The following PHEX variants were observed in gnomAD, a reference collection of about 807,000 sequenced individuals.
PHEX encodes the protein phosphate-regulating neutral endopeptidase PHEX.
In PHEX, 16 loss-of-function variants were observed where a neutral mutation model predicts 68.0. The observed-to-expected ratio is 0.24, with a 90% CI of 0.16 to 0.36. PHEX has a LOEUF of 0.36. PHEX is among the 10% of genes least tolerant of loss of function. PHEX has a pLI of 1.00. For synonymous variants in PHEX, 208 were observed against 205.1 expected, an observed-to-expected ratio of 1.01 and a Z score of -0.12; for missense variants, 480 against 575.5, an observed-to-expected ratio of 0.83 and a Z score of 1.70.
At chrX:22,221,788 T>A (rs1390675325) in intron 18 of PHEX, 45 bp downstream of exon 18, 2 of 1,130,740 alleles carry the variant, frequency 1.8e-6, no homozygotes, top group Admixed American at 4.4e-5. Flanking sequence ...GGTTCATTTT[T>A]CCTCATTTGG....
intron 3 of PHEX, among the ~76,000 whole-genome samples, chrX:22,059,391 A>G (rs1004262098): frequency 8.9e-6 from 1 of 112,393 alleles, no homozygotes; most frequent in African/African-American, 3.2e-5. Context: ...AATGTTATGT[A>G]CACGTATCAC....
At chrX:22,185,912 C>T (rs767027237) in intron 14 of PHEX, among the ~76,000 whole-genome samples, 16 of 110,132 alleles carry the variant, frequency 1.5e-4, no homozygotes, top group African/African-American at 4.7e-4. Context: ...CCCGCCACCA[C>T]GCTGAGCTAA....
At chrX:22,108,607 G>A (rs1930808918) in intron 9 of PHEX, among the ~76,000 whole-genome samples, 1 of 111,620 alleles carries the variant, frequency 9.0e-6, no homozygotes, top group South Asian at 3.7e-4. Context: ...CATGTGAGAG[G>A]GGCACTGTCA....
At chrX:22,066,089 C>T (rs934629258) in intron 3 of PHEX, among the ~76,000 whole-genome samples, 8 of 111,897 alleles carry the variant, frequency 7.1e-5, no homozygotes, top group East Asian at 2.8e-4. Context: ...AGGAGAAAGG[C>T]GGGGGCCAGA....
At chrX:22,167,567 C>G in intron 12 of PHEX, among the ~76,000 whole-genome samples, 1 of 102,535 alleles carries the variant, frequency 9.8e-6, no homozygotes, top group Admixed American at 1.1e-4. Flanking sequence ...TCATAGTTCA[C>G]TGCAGCCTCT....
chrX:22,208,291 T>C (rs1208599359), intron 15 of PHEX, among the ~76,000 whole-genome samples: 2 of 111,639 alleles, frequency 1.8e-5, no homozygotes, highest in Non-Finnish European at 3.8e-5. Flanking sequence ...AATACATGTA[T>C]ATGCTCACAC....
chrX:22,168,237 C>T, intron 12 of PHEX, 75 bp from the exon 13 acceptor site: 2 of 756,223 alleles, frequency 2.6e-6, no homozygotes, highest in Non-Finnish European at 4.2e-6. Context: ...ATGAAGGGCG[C>T]ATTTCTACAT....
chrX:22,128,308 C>T lies in PHEX; in HGVS notation c.1303-5215C>T, dbSNP rs1430665126. ...GAACTCCAGACCTCAGGTGATCCAA[C>T]CGCCTCAGCCTCCCAAAGTGCTGGG... is the stretch of plus-strand genomic sequence containing the variant. On this transcript the variant is annotated intron_variant, in intron 11 of 21. Coordinates refer to ENST00000379374, the MANE Select transcript of PHEX (RefSeq NM_000444.6). 1.8e-5 allele frequency among the ~76,000 whole-genome samples: 2 copies of T among 109,983 alleles called. 1 individual carries two copies.
At chrX:22,243,599 C>T (rs769680881) in intron 20 of PHEX, among the ~76,000 whole-genome samples, 49 of 111,680 alleles carry the variant, frequency 4.4e-4, no homozygotes, top group South Asian at 7.6e-4. Context: ...AAAAACAACC[C>T]CATGAAAAAG....
chrX:22,198,597 A>T (rs907152471), intron 15 of PHEX, among the ~76,000 whole-genome samples: 1 of 111,621 alleles, frequency 9.0e-6, no homozygotes, highest in Non-Finnish European at 1.9e-5. Flanking sequence ...AAAGGCGCAG[A>T]TATGGCAGAA....
rs771512591 is a variant in PHEX at position 22,077,813 on chromosome X, C to G, written c.663+111C>G. ...CTTAGTGAAATAATAACATAAAACA[C>G]TTTTATTGAATAGTAGAATCCAGAA... On this transcript the variant is annotated intron_variant, in intron 5 of 21. Transcript: ENST00000379374. 262 of 572,444 alleles carry G rather than the reference C, an allele frequency of 4.6e-4. 1 individual carries two copies. The African/African-American group carries it at 5.4e-3, about 12-fold the overall frequency. The allele number at this position is 572,444 out of a possible 1,213,427, so 47.2% of individuals were successfully genotyped here. A position where few individuals can be genotyped will look rare whatever the true frequency, so the allele number is the denominator to read the frequency against.
At chrX:22,165,690 T>G (rs775069640) in intron 12 of PHEX, among the ~76,000 whole-genome samples, 1 of 111,787 alleles carries the variant, frequency 8.9e-6, no homozygotes, top group Non-Finnish European at 1.9e-5. Flanking sequence ...ATAAAAGGGA[T>G]CCCAGGGAAT....
At chrX:22,191,137 A>C (rs1192819321) in intron 15 of PHEX, among the ~76,000 whole-genome samples, 1 of 111,668 alleles carries the variant, frequency 9.0e-6, no homozygotes, top group Non-Finnish European at 1.9e-5. Context: ...CTTGTGCCTC[A>C]GCCTCCTGAG....
intron 15 of PHEX, among the ~76,000 whole-genome samples, chrX:22,196,040 G>A (rs754288779): frequency 4.9e-4 from 55 of 111,703 alleles, no homozygotes; most frequent in African/African-American, 1.6e-3. Context: ...TTAGCCAGGT[G>A]TGGTGGCATG....
At chrX:22,114,704 C>A (rs1931158089) in intron 11 of PHEX, 118 bp downstream of exon 11, 1 of 598,557 alleles carries the variant, frequency 1.7e-6, no homozygotes, top group African/African-American at 2.2e-5. Flanking sequence ...GTATTGTCTT[C>A]AGATTCTTTC....
chrX:22,209,833 C>T (rs1297154231), intron 15 of PHEX, among the ~76,000 whole-genome samples: 1 of 106,155 alleles, frequency 9.4e-6, no homozygotes, highest in Non-Finnish European at 1.9e-5. Flanking sequence ...TCTCCTCCCC[C>T]ACCTCCACAG....
intron 5 of PHEX, among the ~76,000 whole-genome samples, chrX:22,089,882 A>G (rs1305387455): frequency 1.8e-5 from 2 of 112,591 alleles, no homozygotes; most frequent in African/African-American, 6.5e-5. Flanking sequence ...CAAAATTATT[A>G]TTTGATTCCA....
At chrX:22,193,428 G>A (rs1386377602) in intron 15 of PHEX, among the ~76,000 whole-genome samples, 1 of 110,851 alleles carries the variant, frequency 9.0e-6, no homozygotes, top group Non-Finnish European at 1.9e-5. Context: ...TGATTTGAGG[G>A]TTTATCATTT....
At chrX:22,212,128 T>A (rs1452637069) in intron 15 of PHEX, among the ~76,000 whole-genome samples, 2 of 111,900 alleles carry the variant, frequency 1.8e-5, no homozygotes, top group African/African-American at 6.5e-5. Context: ...ATAAGAAAGG[T>A]TATGACAGGA....
Sources: gnomAD v4.1 joint callset for allele counts (sites outside exome capture counted in the v4.1 genomes callset) on GRCh38, gnomAD v4.1.1 for gene constraint, MANE v1.5 for transcripts, NCBI Gene and HGNC (gene_info 2026-07-23, HGNC 2026-07-21) for gene names.